C22orf39: variants seen among roughly 807,000 people sequenced by gnomAD.
C22orf39 encodes synaptic plasticity regulator PANTS.
C22orf39 carries 20 observed loss-of-function variants against 18.3 expected under a neutral mutation model. The observed-to-expected ratio is 1.09, with a 90% CI of 0.77 to 1.59. The LOEUF (loss-of-function observed/expected upper bound fraction) is 1.59. C22orf39 is among the 40% of genes most tolerant of loss of function. The probability of loss-of-function intolerance (pLI) is 0.00; values close to 1 mark genes in which losing one functional copy is unlikely to be tolerated. For missense variants in C22orf39, 195 were observed against 156.1 expected (o/e 1.25, Z -1.33); for synonymous variants, 63 against 59.6 (o/e 1.06, Z -0.26).
chr22:19,443,969 C>T lies in C22orf39; in HGVS notation c.*296G>A, dbSNP rs2089626942. The T allele has an allele frequency of 8.7e-7, 1 of 1,144,362 alleles. No homozygotes were observed. The highest frequency in any genetic ancestry group is 1.1e-6 in the Non-Finnish European group (1 of 932,110). The allele number at this position is 1,144,362 out of a possible 1,614,324, so 70.9% of individuals were successfully genotyped here. A position where few individuals can be genotyped will look rare whatever the true frequency, so the allele number is the denominator to read the frequency against. ...AGCCTAGACCTCAGGACCGCCATCT[C>T]CTATGCTACCATGCCCAGCCTGACC... On this transcript the variant is annotated 3_prime_UTR_variant, in exon 3 of 3. Transcript: ENST00000399562.
At chr22:19,444,521 C>G in intron 2 of C22orf39, 131 bp from the exon 3 acceptor site, 11 of 849,380 alleles carry the variant, frequency 1.3e-5, no homozygotes, top group South Asian at 1.9e-5. Context: ...CTCTGCAGCA[C>G]AGCTGCTTCC....
Position 19,447,648 on chromosome 22 carries a change from C to T in C22orf39, c.24+17G>A. ...GGAAGACCCCGGTGGTTCCCGGCTC[C>T]GACCCAGCACACTCACCTGCCAGCC... On this transcript the variant is annotated intron_variant, in intron 1 of 2. Transcript: ENST00000399562. The T allele has an allele frequency of 6.2e-7, 1 of 1,609,462 alleles. No homozygotes were observed. Among genetic ancestry groups the T allele is most frequent in the Admixed American group, 1.7e-5 (1 of 59,846 alleles).
In C22orf39 at chr22:19,443,852, A is replaced by AGTTTTCCAAG. The variant is rs2089626107; in HGVS notation, c.*412_*413insCTTGGAAAAC. ...CAGGCAGTTTCCCAAGGACTAGGAAAGACATTCACAGTGGCACAACTGTTT... is the reference window on the plus strand; with the variant it reads ...CAGGCAGTTTCCCAAGGACTAGGAAAGTTTTCCAAGGACATTCACAGTGGCACAACTGTTT... On this transcript the variant is annotated 3_prime_UTR_variant, in exon 3 of 3. Transcript: ENST00000399562. 2 of 988,482 alleles carry AGTTTTCCAAG rather than the reference A, an allele frequency of 2.0e-6. No individual in the cohort carries two copies. Among genetic ancestry groups the AGTTTTCCAAG allele is most frequent in the South Asian group, 4.7e-5 (1 of 21,238 alleles). The allele number at this position is 988,482 out of a possible 1,614,324, so 61.2% of individuals were successfully genotyped here. A position where few individuals can be genotyped will look rare whatever the true frequency, so the allele number is the denominator to read the frequency against.
intron 2 of C22orf39, 133 bp downstream of exon 2, chr22:19,447,245 A>ATTTC (rs2089646232): frequency 2.0e-6 from 2 of 993,304 alleles, no homozygotes; most frequent in Non-Finnish European, 2.7e-6. Flanking sequence ...ATCTCTCAAA[A>ATTTC]GAAAGGAAGC....
chr22:19,447,580 C>T, intron 1 of C22orf39, 35 bp from the exon 2 acceptor site: 1 of 1,408,164 alleles, frequency 7.1e-7, no homozygotes, highest in Non-Finnish European at 9.2e-7. Context: ...CGGGGCCCGG[C>T]GGCCGCGCCC....
In C22orf39 at chr22:19,440,986, CAATGTTAACACCT is replaced by C. The variant is rs1228083235; in HGVS notation, c.*3266_*3278del. The C allele has an allele frequency of 6.6e-6, 1 of 152,198 alleles. No homozygotes were observed. The highest frequency in any genetic ancestry group is 1.9e-4 in the East Asian group (1 of 5,200). 9.4% of individuals were successfully genotyped at this position (152,198 alleles called of 1,614,324 possible). ...TGGGTACCCTTGCCCCAGCCTCCCCCAATGTTAACACCTTATACACTACAGCACAGCATCAGGA... is the reference window on the plus strand; with the variant it reads ...TGGGTACCCTTGCCCCAGCCTCCCCCTATACACTACAGCACAGCATCAGGA... On this transcript the variant is annotated 3_prime_UTR_variant, in exon 3 of 3. Coordinates refer to ENST00000399562, the MANE Select transcript of C22orf39 (RefSeq NM_173793.5).
rs867688051 is a variant in C22orf39 at position 19,443,253 on chromosome 22, G to T, written c.*1012C>A. 4 of 985,374 alleles carry T rather than the reference G, an allele frequency of 4.1e-6. No individual in the cohort carries two copies. The African/African-American group carries it at 5.2e-5, about 13-fold the overall frequency. The allele number at this position is 985,374 out of a possible 1,614,324, so 61.0% of individuals were successfully genotyped here. On this transcript the variant is annotated 3_prime_UTR_variant, in exon 3 of 3. Coordinates refer to ENST00000399562, the MANE Select transcript of C22orf39 (RefSeq NM_173793.5). Reference sequence around the variant, plus strand: ...TCAACTTGCTGCCTGTGTCCAGGAAGAGAGCAGGGAGGGTGCTGGGCACAG... The same window carrying T: ...TCAACTTGCTGCCTGTGTCCAGGAATAGAGCAGGGAGGGTGCTGGGCACAG...
chr22:19,447,593 C>A, intron 1 of C22orf39, 48 bp from the exon 2 acceptor site: 1 of 1,454,284 alleles, frequency 6.9e-7, no homozygotes, highest in South Asian at 1.4e-5. Flanking sequence ...CCGCGCCCTA[C>A]GCCCCGAGCC....
chr22:19,444,039 C>G lies in C22orf39; in HGVS notation c.*226G>C. The G allele has an allele frequency of 7.7e-7, 1 of 1,291,626 alleles. No homozygotes were observed. The highest frequency in any genetic ancestry group is 9.8e-7 in the Non-Finnish European group (1 of 1,024,024). 80.0% of individuals were successfully genotyped at this position (1,291,626 alleles called of 1,614,324 possible). ...GCCATAATGCTTGGCCTCCTGGAAG[C>G]TCTAAAGCGGTGCAATTGTCCTGCA... On this transcript the variant is annotated 3_prime_UTR_variant, in exon 3 of 3. Transcript: ENST00000399562.
At chr22:19,447,234 A>C (rs1180124323) in intron 2 of C22orf39, 144 bp downstream of exon 2, 1 of 905,484 alleles carries the variant, frequency 1.1e-6, no homozygotes, top group African/African-American at 1.8e-5. Flanking sequence ...TAATTTACAC[A>C]ATCTCTCAAA....
chr22:19,445,357 T>TA (rs1316865406), intron 2 of C22orf39, among the ~76,000 whole-genome samples: 1 of 152,246 alleles, frequency 6.6e-6, no homozygotes, highest in Non-Finnish European at 1.5e-5. Context: ...GGCTATCTGG[T>TA]ATTTCACTTT....
chr22:19,443,082 C>T lies in C22orf39; in HGVS notation c.*1183G>A, dbSNP rs2089621974. The stretch of plus-strand genomic sequence containing the variant: ...CTCTTGGGATCCCGTGAGCACAACC[C>T]CCACCCCCACCCCCACTGTTCACAG... On this transcript the variant is annotated 3_prime_UTR_variant, in exon 3 of 3. Coordinates refer to ENST00000399562, the MANE Select transcript of C22orf39 (RefSeq NM_173793.5). 2 of 790,512 alleles carry T rather than the reference C, an allele frequency of 2.5e-6. No homozygotes were observed. The highest frequency in any genetic ancestry group is 3.1e-6 in the Non-Finnish European group (2 of 653,406). 49.0% of individuals were successfully genotyped at this position (790,512 alleles called of 1,614,324 possible). A position where few individuals can be genotyped will look rare whatever the true frequency, so the allele number is the denominator to read the frequency against.
intron 2 of C22orf39, among the ~76,000 whole-genome samples, chr22:19,446,273 G>A (rs2089638933): frequency 6.6e-6 from 1 of 152,096 alleles, no homozygotes; most frequent in Admixed American, 6.5e-5. Context: ...TGCTATATAA[G>A]CTGTCAGCTT....
Position 19,447,408 on chromosome 22 carries a change from G to A in C22orf39, c.162C>T (p.Asp54=), listed in dbSNP as rs568626723. The A allele has an allele frequency of 1.3e-6, 2 of 1,505,964 alleles. No individual in the cohort carries two copies. Among genetic ancestry groups the A allele is most frequent in the Non-Finnish European group, 1.8e-6 (2 of 1,135,136 alleles). The allele number at this position is 1,505,964 out of a possible 1,614,324, so 93.3% of individuals were successfully genotyped here. The part of the protein sequence containing the change: ...QWQRDLASCR[D]WEERRNAEAQ... Reference sequence around the variant, plus strand: ...CCTCGGCGTTCCGGCGCTCCTCCCAGTCGCGGCAGCTGGCCAGGTCGCGCT... The same window carrying A: ...CCTCGGCGTTCCGGCGCTCCTCCCAATCGCGGCAGCTGGCCAGGTCGCGCT... Residue 54 remains aspartate (D), a synonymous_variant, in exon 2 of 3, where the codon GAC becomes GAT. Transcript: ENST00000399562.
chr22:19,443,033 C>T lies in C22orf39; in HGVS notation c.*1232G>A. 2.8e-6 allele frequency: 2 copies of T among 702,720 alleles called. No homozygotes were observed. Among genetic ancestry groups the T allele is most frequent in the Non-Finnish European group, 3.5e-6 (2 of 572,262 alleles). 43.5% of individuals were successfully genotyped at this position (702,720 alleles called of 1,614,324 possible). A position where few individuals can be genotyped will look rare whatever the true frequency, so the allele number is the denominator to read the frequency against. Reference sequence around the variant, plus strand: ...GTACTCCCCTGATGATGGGGGAACGCTGGCTCCTCTTTAGATGCTCCTGCT... The same window carrying T: ...GTACTCCCCTGATGATGGGGGAACGTTGGCTCCTCTTTAGATGCTCCTGCT... On this transcript the variant is annotated 3_prime_UTR_variant, in exon 3 of 3. Transcript: ENST00000399562.
intron 2 of C22orf39, among the ~76,000 whole-genome samples, 155 bp downstream of exon 2, chr22:19,447,223 C>T (rs377177214): frequency 5.9e-5 from 9 of 152,184 alleles, no homozygotes; most frequent in African/African-American, 2.2e-4. Flanking sequence ...TGTTGATATG[C>T]TAATTTACAC....
In C22orf39 at chr22:19,443,503, A is replaced by T; in HGVS notation, c.*762T>A. The T allele has an allele frequency of 1.0e-6, 1 of 985,866 alleles. No individual in the cohort carries two copies. Among genetic ancestry groups the T allele is most frequent in the Non-Finnish European group, 1.2e-6 (1 of 829,926 alleles). The allele number at this position is 985,866 out of a possible 1,614,324, so 61.1% of individuals were successfully genotyped here. A position where few individuals can be genotyped will look rare whatever the true frequency, so the allele number is the denominator to read the frequency against. On this transcript the variant is annotated 3_prime_UTR_variant, in exon 3 of 3. Coordinates refer to ENST00000399562, the MANE Select transcript of C22orf39 (RefSeq NM_173793.5). Reference sequence around the variant, plus strand: ...ACTTAATTTTCAGCTTCTATTTGAAATCAGATGAAATAGCTTTTGATACAT... The same window carrying T: ...ACTTAATTTTCAGCTTCTATTTGAATTCAGATGAAATAGCTTTTGATACAT...
At chr22:19,447,571 G>A (rs764085854) in intron 1 of C22orf39, 26 bp from the exon 2 acceptor site, 108 of 1,401,214 alleles carry the variant, frequency 7.7e-5, no homozygotes, top group Non-Finnish European at 9.3e-5. Context: ...GCGCCTGAGC[G>A]GGGCCCGGCG....
Position 19,443,078 on chromosome 22 carries a change from A to ACC in C22orf39, c.*1186_*1187insGG. ...CCTGCTCTTGGGATCCCGTGAGCACAACCCCCACCCCCACCCCCACTGTTC... is the reference window on the plus strand; with the variant it reads ...CCTGCTCTTGGGATCCCGTGAGCACACCACCCCCACCCCCACCCCCACTGTTC... On this transcript the variant is annotated 3_prime_UTR_variant, in exon 3 of 3. Coordinates refer to ENST00000399562, the MANE Select transcript of C22orf39 (RefSeq NM_173793.5). The ACC allele has an allele frequency of 1.0e-5, 6 of 602,950 alleles. No individual in the cohort carries two copies. The highest frequency in any genetic ancestry group is 1.0e-5 in the Non-Finnish European group (5 of 482,462). The allele number at this position is 602,950 out of a possible 1,614,324, so 37.3% of individuals were successfully genotyped here. A position where few individuals can be genotyped will look rare whatever the true frequency, so the allele number is the denominator to read the frequency against.
Sources: allele counts gnomAD v4.1 joint callset (sites outside exome capture counted in the v4.1 genomes callset), GRCh38; gene constraint gnomAD v4.1.1; transcripts MANE v1.5; gene names NCBI Gene and HGNC (gene_info 2026-07-23, HGNC 2026-07-21).